Variants in UBE2QL1 observed in about 807,000 individuals in gnomAD.
UBE2QL1 encodes ubiquitin-conjugating enzyme E2Q-like protein 1.
Under a neutral mutation model 12.6 loss-of-function variants are expected in UBE2QL1, and 5 were observed. The ratio of observed to expected loss-of-function variants is 0.40; its 90% CI spans 0.21 to 0.83. The LOEUF (loss-of-function observed/expected upper bound fraction) is 0.83, where lower values mean the gene tolerates loss of function less well. Ranked by LOEUF, UBE2QL1 falls within the 40% of genes least tolerant of loss-of-function variation. The pLI, the probability that UBE2QL1 is intolerant of heterozygous loss-of-function variation, is 0.37. For synonymous variants in UBE2QL1, 96 were observed against 94.5 expected (o/e 1.02, Z -0.10); for missense variants, 99 against 222.6 (o/e 0.44, Z 3.53).
In UBE2QL1 at chr5:6,494,859, T is replaced by A. The variant is rs112472910; in HGVS notation, c.*3510T>A. ...ACTCACTCAGCATTCTCCTCTTAAATGCAGGGCATGCAGAAGATTAAGGTA... is the reference window on the plus strand; with the variant it reads ...ACTCACTCAGCATTCTCCTCTTAAAAGCAGGGCATGCAGAAGATTAAGGTA... On this transcript the variant is annotated 3_prime_UTR_variant, in exon 2 of 2. Coordinates refer to ENST00000399816, the MANE Select transcript of UBE2QL1 (RefSeq NM_001145161.3). 6.6e-6 allele frequency: 1 copy of A among 152,234 alleles called. No individual in the cohort carries two copies. The highest frequency in any genetic ancestry group is 2.4e-5 in the African/African-American group (1 of 41,454). 9.4% of individuals were successfully genotyped at this position (152,234 alleles called of 1,614,324 possible).
chr5:6,457,447 C>T (rs1221900536), intron 1 of UBE2QL1, among the ~76,000 whole-genome samples: 1 of 152,146 alleles, frequency 6.6e-6, no homozygotes, highest in East Asian at 1.9e-4. Flanking sequence ...AACTGTATTG[C>T]CCCTTCTCTT....
Position 6,491,925 on chromosome 5 carries a change from A to T in UBE2QL1, c.*576A>T, listed in dbSNP as rs1734579935. 6.6e-6 allele frequency: 1 copy of T among 152,238 alleles called. No individual in the cohort carries two copies. The highest frequency in any genetic ancestry group is 1.5e-5 in the Non-Finnish European group (1 of 68,076). 9.4% of individuals were successfully genotyped at this position (152,238 alleles called of 1,614,324 possible). On this transcript the variant is annotated 3_prime_UTR_variant, in exon 2 of 2. Coordinates refer to ENST00000399816, the MANE Select transcript of UBE2QL1 (RefSeq NM_001145161.3). Reference sequence around the variant, plus strand: ...GTGCTATGACCTTTGGCTCATGAAAACACAAATTTAACATTGCCAGGTTCT... The same window carrying T: ...GTGCTATGACCTTTGGCTCATGAAATCACAAATTTAACATTGCCAGGTTCT...
intron 1 of UBE2QL1, among the ~76,000 whole-genome samples, chr5:6,471,843 A>C (rs568691267): frequency 6.6e-6 from 1 of 152,354 alleles, no homozygotes; most frequent in East Asian, 1.9e-4. Flanking sequence ...TATATAAACT[A>C]TCACATTTTT....
At chr5:6,451,101 G>A (rs1231337764) in intron 1 of UBE2QL1, among the ~76,000 whole-genome samples, 3 of 152,188 alleles carry the variant, frequency 2.0e-5, no homozygotes, top group Non-Finnish European at 2.9e-5. Context: ...GATGACATTG[G>A]GGATCAGGGG....
rs570425137 is a variant in UBE2QL1, at chr5:6,496,472, G to C, written c.*5123G>C. 6.6e-6 allele frequency among the ~76,000 whole-genome samples: 1 copy of C among 152,106 alleles called. No individual in the cohort carries two copies. The highest frequency in any genetic ancestry group is 2.4e-5 in the African/African-American group (1 of 41,418). ...TGATCTGTACACCATGAGTGACTGC[G>C]AACTTTCAGACTCTCACCGCAATTC... On this transcript the variant is annotated 3_prime_UTR_variant, in exon 2 of 2. Coordinates refer to ENST00000399816, the MANE Select transcript of UBE2QL1 (RefSeq NM_001145161.3).
At chr5:6,460,709 A>G (rs1400935384) in intron 1 of UBE2QL1, among the ~76,000 whole-genome samples, 2 of 152,362 alleles carry the variant, frequency 1.3e-5, no homozygotes, top group Non-Finnish European at 2.9e-5. Context: ...CATTGGTAGC[A>G]TCTTTAAATT....
chr5:6,485,709 GA>G (rs766957454), intron 1 of UBE2QL1, among the ~76,000 whole-genome samples: 11 of 152,182 alleles, frequency 7.2e-5, no homozygotes, highest in Middle Eastern at 3.2e-3. Flanking sequence ...TAAGCAGTCT[GA>G]AAATTTTAAC....
Position 6,493,620 on chromosome 5 carries a change from G to C in UBE2QL1, c.*2271G>C, listed in dbSNP as rs1286013963. ...TTTTCTTGCATGGCATTTCCATTAG[G>C]TTTGTTAGAAACTTATAGAAGAAAT... On this transcript the variant is annotated 3_prime_UTR_variant, in exon 2 of 2. Coordinates refer to ENST00000399816, the MANE Select transcript of UBE2QL1 (RefSeq NM_001145161.3). 2.0e-5 allele frequency: 3 copies of C among 152,182 alleles called. No homozygotes were observed. The highest frequency in any genetic ancestry group is 4.4e-5 in the Non-Finnish European group (3 of 68,036). 9.4% of individuals were successfully genotyped at this position (152,182 alleles called of 1,614,324 possible). A position where few individuals can be genotyped will look rare whatever the true frequency, so the allele number is the denominator to read the frequency against.
In UBE2QL1 at chr5:6,479,674, T is replaced by G. The variant is rs1362943484; in HGVS notation, c.355-11544T>G. 2.0e-5 allele frequency among the ~76,000 whole-genome samples: 3 copies of G among 152,204 alleles called. No individual in the cohort carries two copies. The highest frequency in any genetic ancestry group is 7.2e-5 in the African/African-American group (3 of 41,454). On this transcript the variant is annotated intron_variant, in intron 1 of 1. Transcript: ENST00000399816. The surrounding 1 kb of genome is among the most constrained non-coding windows in gnomAD (Gnocchi z 4.2). The stretch of plus-strand genomic sequence containing the variant: ...AAACACAGACCGGGGGTCTCCTTTG[T>G]GCTGAGTAAGTGTTTCGGCCTTGAG...
At chr5:6,450,974 A>T (rs956691656) in intron 1 of UBE2QL1, among the ~76,000 whole-genome samples, 22 of 152,350 alleles carry the variant, frequency 1.4e-4, no homozygotes, top group African/African-American at 4.6e-4. Flanking sequence ...AACAGGATTT[A>T]TACAAATGAA....
intron 1 of UBE2QL1, among the ~76,000 whole-genome samples, chr5:6,451,605 T>G (rs1739413196): frequency 6.6e-6 from 1 of 152,208 alleles, no homozygotes; most frequent in Non-Finnish European, 1.5e-5. Context: ...CTTTTTAAAG[T>G]GCAAGTTCAA....
rs1265714906 is a variant in UBE2QL1, at chr5:6,481,909, C to G, written c.355-9309C>G. 6.6e-6 allele frequency among the ~76,000 whole-genome samples: 1 copy of G among 152,184 alleles called. No individual in the cohort carries two copies. Among genetic ancestry groups the G allele is most frequent in the Admixed American group, 6.5e-5 (1 of 15,274 alleles). On this transcript the variant is annotated intron_variant, in intron 1 of 1. Coordinates refer to ENST00000399816, the MANE Select transcript of UBE2QL1 (RefSeq NM_001145161.3). The surrounding 1 kb of genome is among the most constrained non-coding windows in gnomAD (Gnocchi z 4.5). ...GAAAGGCCTCTCTGTCAGCTTTATG[C>G]CTGCCGTGGGCAGAGTTATGTCCTC...
In UBE2QL1 at chr5:6,476,009, T is replaced by C. The variant is rs1240696562; in HGVS notation, c.355-15209T>C. Among the ~76,000 whole-genome samples, 1 of 152,176 alleles carries C rather than the reference T, an allele frequency of 6.6e-6. No individual in the cohort carries two copies. The highest frequency in any genetic ancestry group is 2.1e-4 in the South Asian group (1 of 4,822). ...TGAAATACACTTATTTTTTAAAGTA[T>C]ATTAGGATAACTTGTGATAAGTTCA... On this transcript the variant is annotated intron_variant, in intron 1 of 1. Transcript: ENST00000399816. The surrounding 1 kb of genome is among the most constrained non-coding windows in gnomAD (Gnocchi z 4.9).
At chr5:6,473,776 C>G (rs1340999380) in intron 1 of UBE2QL1, among the ~76,000 whole-genome samples, 1 of 152,196 alleles carries the variant, frequency 6.6e-6, no homozygotes, top group African/African-American at 2.4e-5. Flanking sequence ...ATTGAAGAAG[C>G]TTGATTTTTT....
intron 1 of UBE2QL1, among the ~76,000 whole-genome samples, chr5:6,470,514 GCACA>G (rs1739889449): frequency 6.6e-6 from 1 of 151,642 alleles, no homozygotes; most frequent in African/African-American, 2.4e-5. Flanking sequence ...ACACACACAT[GCACA>G]CACACGTGTG....
chr5:6,457,943 C>G (rs1299062896), intron 1 of UBE2QL1, among the ~76,000 whole-genome samples: 1 of 152,210 alleles, frequency 6.6e-6, no homozygotes, highest in African/African-American at 2.4e-5. Flanking sequence ...ACGGAATTAT[C>G]AGCAACGTTG....
At chr5:6,487,908 G>T (rs1436466333) in intron 1 of UBE2QL1, among the ~76,000 whole-genome samples, 1 of 152,232 alleles carries the variant, frequency 6.6e-6, no homozygotes, top group African/African-American at 2.4e-5. Flanking sequence ...GGCACAGCAA[G>T]GGCATGTCAG....
chr5:6,459,083 G>A (rs1739596470), intron 1 of UBE2QL1, among the ~76,000 whole-genome samples: 1 of 152,120 alleles, frequency 6.6e-6, no homozygotes, highest in Non-Finnish European at 1.5e-5. Context: ...TGTGAACAAT[G>A]CCTAAAACTA....
At chr5:6,484,184 T>G (rs1038611801) in intron 1 of UBE2QL1, among the ~76,000 whole-genome samples, 5 of 152,182 alleles carry the variant, frequency 3.3e-5, no homozygotes, top group African/African-American at 1.2e-4. Flanking sequence ...GCACAAACTT[T>G]GAGTGAAACC....
Sources: gnomAD v4.1 joint callset for allele counts (sites outside exome capture counted in the v4.1 genomes callset) on GRCh38, gnomAD v4.1.1 for gene constraint, Gnocchi (gnomAD v3.1) non-coding constraint, MANE v1.5 for transcripts, NCBI Gene and HGNC (gene_info 2026-07-23, HGNC 2026-07-21) for gene names.